The following RTTN variants were observed in gnomAD, a reference collection of about 807,000 sequenced individuals.
RTTN encodes rotatin.
In RTTN, 182 loss-of-function variants were observed where a neutral mutation model predicts 269.2. The ratio of observed to expected loss-of-function variants is 0.68; its 90% CI spans 0.60 to 0.76. The LOEUF is 0.76. Among genes scored for constraint, RTTN ranks in the 30% least tolerant of loss-of-function variants. The probability of loss-of-function intolerance (pLI) is 0.00; values close to 1 mark genes in which losing one functional copy is unlikely to be tolerated. For missense variants in RTTN, 2,545 were observed against 2,608.6 expected, an observed-to-expected ratio of 0.98 and a Z score of 0.53; for synonymous variants, 1,006 against 963.5, an observed-to-expected ratio of 1.04 and a Z score of -0.82.
chr18:70,121,635 A>T lies in RTTN; in HGVS notation c.3449T>A (p.Leu1150Ter), dbSNP rs766635681. 10 of 1,579,374 alleles carry T rather than the reference A, an allele frequency of 6.3e-6. No individual in the cohort carries two copies. The East Asian group carries it at 1.1e-4, about 18-fold the overall frequency. ...EKLLIDIIHF[L>*]NKLIKEQRKN... ...TCTTTGTTCCTTTATTAATTTATTT[A>T]AAAAATGTATGATATCTATTAGCAG... is the stretch of plus-strand genomic sequence containing the variant. The change falls in exon 26 of 49, where the codon TTA becomes TAA. Residue 1150 changes from leucine (L) to a stop codon, truncating the protein, a stop_gained. Transcript: ENST00000640769. LOFTEE classifies it high-confidence loss of function.
intron 43 of RTTN, among the ~76,000 whole-genome samples, chr18:70,027,644 C>T (rs2056891777): frequency 1.3e-5 from 2 of 152,068 alleles, no homozygotes; most frequent in Non-Finnish European, 2.9e-5. Flanking sequence ...TTTAAATTTA[C>T]ACACAAATAC....
intron 25 of RTTN, among the ~76,000 whole-genome samples, chr18:70,125,056 T>C (rs1012883247): frequency 2.0e-5 from 3 of 152,088 alleles, no homozygotes; most frequent in Admixed American, 2.0e-4. Context: ...ATTGTATGCT[T>C]GTGTGTTAGC....
intron 14 of RTTN, among the ~76,000 whole-genome samples, chr18:70,153,314 CATACAT>C (rs979466297): frequency 1.3e-5 from 2 of 152,094 alleles, no homozygotes; most frequent in South Asian, 2.1e-4. Flanking sequence ...CACACATACA[CATACAT>C]ACTTTTTATG....
At chr18:70,067,753 G>T (rs2058182159) in intron 34 of RTTN, among the ~76,000 whole-genome samples, 2 of 152,154 alleles carry the variant, frequency 1.3e-5, no homozygotes, top group Non-Finnish European at 2.9e-5. Flanking sequence ...GATATAAATA[G>T]AATAGGTACC....
At chr18:70,070,197 C>T (rs910128261) in intron 34 of RTTN, among the ~76,000 whole-genome samples, 1 of 152,266 alleles carries the variant, frequency 6.6e-6, no homozygotes, top group Admixed American at 6.5e-5. Flanking sequence ...AGTCACAGTT[C>T]CTGTGCCATC....
rs557063126 is a variant in RTTN at position 70,028,117 on chromosome 18, T to A, written c.5823+607A>T. Reference sequence around the variant, plus strand: ...TAGTATTTCAAAAGTGTTGTAAAACTATAGACAAAGCAAATCAGAGTGTTC... The same window carrying A: ...TAGTATTTCAAAAGTGTTGTAAAACAATAGACAAAGCAAATCAGAGTGTTC... On this transcript the variant is annotated intron_variant, in intron 43 of 48. Coordinates refer to ENST00000640769, the MANE Select transcript of RTTN (RefSeq NM_173630.4). 1.6e-4 allele frequency among the ~76,000 whole-genome samples: 25 copies of A among 152,220 alleles called. 1 individual carries two copies. Among genetic ancestry groups the A allele is most frequent in the Non-Finnish European group, 3.2e-4 (22 of 68,042 alleles).
chr18:70,161,723 C>A (rs146236360), intron 14 of RTTN, among the ~76,000 whole-genome samples: 270 of 152,172 alleles, frequency 1.8e-3, no homozygotes, highest in Non-Finnish European at 2.5e-3. Context: ...GACATACACA[C>A]GGTCAACAAA....
At position 70,163,080 on chromosome 18, in the gene RTTN, A is replaced by T. The variant is rs1450494075; in HGVS notation, c.1929+2982T>A. On this transcript the variant is annotated intron_variant, in intron 14 of 48. Transcript: ENST00000640769. ...ATGGTTACTATTATTAAAAAAAAAAAAAAAAAAAAAAAAAAAAACAAGGCC... is the reference window on the plus strand; with the variant it reads ...ATGGTTACTATTATTAAAAAAAAAATAAAAAAAAAAAAAAAAAACAAGGCC... 4.9e-5 allele frequency among the ~76,000 whole-genome samples: 7 copies of T among 144,120 alleles called. 1 individual carries two copies. Among genetic ancestry groups the T allele is most frequent in the Admixed American group, 1.4e-4 (2 of 14,444 alleles). 94.5% of individuals were successfully genotyped at this position (144,120 alleles called of 152,430 possible). A position where few individuals can be genotyped will look rare whatever the true frequency, so the allele number is the denominator to read the frequency against.
chr18:70,167,415 A>C (rs112294560), intron 12 of RTTN, among the ~76,000 whole-genome samples: 119 of 152,316 alleles, frequency 7.8e-4, no homozygotes, highest in African/African-American at 2.5e-3. Flanking sequence ...GACATTGAAC[A>C]CATGTGTGAT....
At chr18:70,140,491 C>T (rs1016865305) in intron 19 of RTTN, among the ~76,000 whole-genome samples, 10 of 152,056 alleles carry the variant, frequency 6.6e-5, no homozygotes, top group Non-Finnish European at 1.5e-4. Flanking sequence ...CAAATGAATG[C>T]TTATATTTAT....
At chr18:70,044,431 T>C (rs1277924526) in intron 40 of RTTN, among the ~76,000 whole-genome samples, 15 of 152,184 alleles carry the variant, frequency 9.9e-5, no homozygotes. Context: ...CTATATGTAT[T>C]TGCAAATAAA....
At chr18:70,068,089 T>G (rs913372149) in intron 34 of RTTN, among the ~76,000 whole-genome samples, 1 of 152,240 alleles carries the variant, frequency 6.6e-6, no homozygotes, top group Admixed American at 6.5e-5. Flanking sequence ...TATATTGCTA[T>G]TTTAATAACT....
chr18:70,059,944 C>A lies in RTTN; in HGVS notation c.4846G>T (p.Ala1616Ser), dbSNP rs1223333165. Reference sequence around the variant, plus strand: ...AGGTTGTCCAAGAGGCTGCACATTGCTGAAAGAAGAGATGGAGTAACAAAA... The same window carrying A: ...AGGTTGTCCAAGAGGCTGCACATTGATGAAAGAAGAGATGGAGTAACAAAA... Reference protein sequence around the residue: ...CVFVTPSLLSAMCSLLDNLLT... With the variant: ...CVFVTPSLLSSMCSLLDNLLT... The change falls in exon 36 of 49, where the codon GCA becomes TCA. Residue 1616 changes from alanine to serine, a missense_variant. Coordinates refer to ENST00000640769, the MANE Select transcript of RTTN (RefSeq NM_173630.4). The A allele has an allele frequency of 3.1e-6, 5 of 1,613,834 alleles. No homozygotes were observed. Among genetic ancestry groups the A allele is most frequent in the Middle Eastern group, 1.6e-4 (1 of 6,084 alleles).
intron 28 of RTTN, among the ~76,000 whole-genome samples, chr18:70,106,276 TTGAGGCTGTAG>T (rs1193530561): frequency 1.3e-5 from 2 of 152,122 alleles, no homozygotes; most frequent in African/African-American, 4.8e-5. Flanking sequence ...GCTCAGGAGG[TTGAGGCTGTAG>T]TGAGCTGTGA....
chr18:70,149,926 A>C (rs2060493142), intron 16 of RTTN, 45 bp downstream of exon 16: 2 of 1,298,212 alleles, frequency 1.5e-6, no homozygotes, highest in Non-Finnish European at 2.2e-6. Context: ...AATCACACCC[A>C]GCCAAAGATA....
chr18:70,188,688 A>C (rs118063584), intron 9 of RTTN, among the ~76,000 whole-genome samples: 1,884 of 152,342 alleles, frequency 0.012, 23 homozygotes, highest in South Asian at 0.039. Context: ...GAGCAACTAA[A>C]GGAATAAATG....
Position 70,072,860 on chromosome 18 carries a change from TCCA to T in RTTN, c.4653+1043_4653+1045del, listed in dbSNP as rs550787567. On this transcript the variant is annotated intron_variant, in intron 34 of 48. Transcript: ENST00000640769. ...TGTTGAGACAAAGGTACACACTATC[TCCA>T]CCTTGGAAAGGAAAGCATGACATCT... 8.1e-3 allele frequency among the ~76,000 whole-genome samples: 1,233 copies of T among 152,182 alleles called. 8 individuals are homozygous for T. The highest frequency in any genetic ancestry group is 0.051 in the Middle Eastern group (15 of 292).
At chr18:70,073,825 G>A in intron 34 of RTTN, 81 bp downstream of exon 34, 1 of 942,212 alleles carries the variant, frequency 1.1e-6, no homozygotes, top group East Asian at 2.4e-5. Flanking sequence ...CTTACACTTT[G>A]TATTCTTAAC....
chr18:70,018,702 G>A (rs182464860), intron 45 of RTTN, among the ~76,000 whole-genome samples: 149 of 152,154 alleles, frequency 9.8e-4, no homozygotes, highest in Non-Finnish European at 1.1e-3. Context: ...TGCATGTGCT[G>A]TCACTCACAC....
Sources: gnomAD v4.1 joint callset for allele counts (sites outside exome capture counted in the v4.1 genomes callset) on GRCh38, gnomAD v4.1.1 for gene constraint, MANE v1.5 for transcripts, NCBI Gene and HGNC (gene_info 2026-07-23, HGNC 2026-07-21) for gene names.